Variants in MIS18BP1 observed in about 807,000 individuals in gnomAD.
MIS18BP1 encodes mis18-binding protein 1.
Under a neutral mutation model 116.1 loss-of-function variants are expected in MIS18BP1, and 72 were observed. That is an observed-to-expected ratio of 0.62 (90% CI 0.51 to 0.75). The LOEUF (loss-of-function observed/expected upper bound fraction) is 0.75, where lower values mean the gene tolerates loss of function less well. Among genes scored for constraint, MIS18BP1 ranks in the 30% least tolerant of loss-of-function variants. MIS18BP1 has a pLI of 0.00. For missense variants in MIS18BP1, 1,363 were observed against 1,303.2 expected (o/e 1.05, Z -0.71); for synonymous variants, 386 against 427.0 (o/e 0.90, Z 1.18).
chr14:45,222,666 CT>C (rs1891006710), intron 11 of MIS18BP1, among the ~76,000 whole-genome samples: 1 of 152,148 alleles, frequency 6.6e-6, no homozygotes, highest in Non-Finnish European at 1.5e-5. Flanking sequence ...AGTTCTCAGT[CT>C]TTTATATGCT....
At chr14:45,212,140 GA>G (rs1341245945) in intron 13 of MIS18BP1, among the ~76,000 whole-genome samples, 2 of 152,270 alleles carry the variant, frequency 1.3e-5, no homozygotes, top group East Asian at 3.9e-4. Context: ...AAGGAGTTTG[GA>G]ACTCTACCCA....
rs372983927 is a variant in MIS18BP1, at chr14:45,218,323, T to C, written c.2801A>G (p.His934Arg). 5.6e-6 allele frequency: 9 copies of C among 1,613,990 alleles called. No individual in the cohort carries two copies. The highest frequency in any genetic ancestry group is 3.3e-5 in the South Asian group (3 of 91,074). Residue 934 changes from histidine to arginine, a missense_variant, in exon 12 of 17, where the codon CAT becomes CGT. Physicochemically the swap from His to Arg is conservative, Grantham distance 29 (BLOSUM62 0). Coordinates refer to ENST00000310806, the MANE Select transcript of MIS18BP1 (RefSeq NM_018353.5). ...ATTGGCTGGCTTCTTCTTAGTGACA[T>C]GTTTCTGGGATCCTTTTCCTCTGGG... ...ENPRGKGSQK[H>R]VTKKKPANSK...
At chr14:45,210,691 A>G (rs971923648) in intron 13 of MIS18BP1, among the ~76,000 whole-genome samples, 163 bp from the exon 14 acceptor site, 1 of 152,216 alleles carries the variant, frequency 6.6e-6, no homozygotes. Flanking sequence ...GAGGAACTCC[A>G]TTTTAGATGC....
chr14:45,249,032 A>G (rs530263142), intron 1 of MIS18BP1, among the ~76,000 whole-genome samples: 2 of 150,648 alleles, frequency 1.3e-5, no homozygotes, highest in South Asian at 2.1e-4. Context: ...CAGCCTCCAG[A>G]GTAGCTGGGA....
chr14:45,207,707 T>C (rs1374068979), intron 14 of MIS18BP1, among the ~76,000 whole-genome samples: 1 of 152,186 alleles, frequency 6.6e-6, no homozygotes, highest in Non-Finnish European at 1.5e-5. Context: ...GGTAAGTCTA[T>C]TATCAAAGAG....
intron 15 of MIS18BP1, among the ~76,000 whole-genome samples, chr14:45,204,820 A>ATT (rs1182704391): frequency 6.6e-6 from 1 of 152,066 alleles, no homozygotes; most frequent in African/African-American, 2.4e-5. Context: ...ATTTATCATG[A>ATT]TTATATATAG....
chr14:45,232,333 C>T lies in MIS18BP1; in HGVS notation c.1436+400G>A, dbSNP rs534785614. Among the ~76,000 whole-genome samples the T allele has an allele frequency of 2.8e-5, 4 of 145,454 alleles. No individual in the cohort carries two copies. The South Asian group carries it at 6.8e-4, about 25-fold the overall frequency. On this transcript the variant is annotated intron_variant, in intron 7 of 16. Coordinates refer to ENST00000310806, the MANE Select transcript of MIS18BP1 (RefSeq NM_018353.5). ...TCGGGAGGCTGAGGCAGGAGAATGG[C>T]GTGAACCCCAGAGGCGGAGCTTGCA...
chr14:45,247,680 A>T (rs985724790), intron 1 of MIS18BP1, among the ~76,000 whole-genome samples: 2 of 152,102 alleles, frequency 1.3e-5, no homozygotes, highest in African/African-American at 4.8e-5. Context: ...AGCCTGGGTG[A>T]CAGAGCAAGA....
intron 4 of MIS18BP1, among the ~76,000 whole-genome samples, chr14:45,240,206 G>T (rs1440905316): frequency 6.6e-6 from 1 of 152,008 alleles, no homozygotes; most frequent in Non-Finnish European, 1.5e-5. Context: ...TTCTAGGGCT[G>T]ATCTGCAGTA....
chr14:45,220,195 T>C (rs536729060), intron 11 of MIS18BP1, among the ~76,000 whole-genome samples: 4 of 152,188 alleles, frequency 2.6e-5, no homozygotes, highest in Admixed American at 6.5e-5. Flanking sequence ...ACTTCTGGGC[T>C]CAGGCGATCC....
At chr14:45,207,469 G>A (rs956923081) in intron 14 of MIS18BP1, among the ~76,000 whole-genome samples, 6 of 152,152 alleles carry the variant, frequency 3.9e-5, no homozygotes, top group Non-Finnish European at 7.4e-5. Flanking sequence ...TGGCCAACAT[G>A]GTGAAACCCC....
At chr14:45,231,081 AATG>A (rs1594516582) in intron 8 of MIS18BP1, 57 bp downstream of exon 8, 1 of 1,544,304 alleles carries the variant, frequency 6.5e-7, no homozygotes, top group African/African-American at 1.4e-5. Context: ...AACCATAAAC[AATG>A]TAGACCATGT....
chr14:45,223,845 A>T (rs1850874343), intron 11 of MIS18BP1, 73 bp downstream of exon 11: 5 of 1,116,816 alleles, frequency 4.5e-6, no homozygotes, highest in Non-Finnish European at 6.3e-6. Context: ...TTAACCCCTT[A>T]TTGCTATTTT....
At chr14:45,235,380 T>C (rs1891395775) in intron 6 of MIS18BP1, among the ~76,000 whole-genome samples, 1 of 151,772 alleles carries the variant, frequency 6.6e-6, no homozygotes, top group Admixed American at 6.6e-5. Context: ...TTGTGCCATG[T>C]TGGAAGTGGT....
chr14:45,221,141 GA>G (rs921328479), intron 11 of MIS18BP1, among the ~76,000 whole-genome samples: 1 of 147,970 alleles, frequency 6.8e-6, no homozygotes, highest in Admixed American at 6.8e-5. Context: ...TCTCCAAAAA[GA>G]AAAAAAATAA....
chr14:45,221,727 G>A (rs1159232254), intron 11 of MIS18BP1, among the ~76,000 whole-genome samples: 1 of 152,142 alleles, frequency 6.6e-6, no homozygotes, highest in South Asian at 2.1e-4. Context: ...TTATTATTGG[G>A]TGGAATGTTC....
chr14:45,240,826 T>C (rs1891555972), intron 4 of MIS18BP1, among the ~76,000 whole-genome samples: 1 of 151,962 alleles, frequency 6.6e-6, no homozygotes, highest in African/African-American at 2.4e-5. Context: ...TGCATGAACC[T>C]GGAAGGCGGA....
At chr14:45,222,908 C>T (rs970243981) in intron 11 of MIS18BP1, among the ~76,000 whole-genome samples, 4 of 152,124 alleles carry the variant, frequency 2.6e-5, no homozygotes, top group Non-Finnish European at 5.9e-5. Context: ...AGAAAGAGAA[C>T]AGAAGCAACA....
intron 5 of MIS18BP1, among the ~76,000 whole-genome samples, chr14:45,237,262 C>T (rs1362074102): frequency 6.6e-6 from 1 of 152,092 alleles, no homozygotes; most frequent in Non-Finnish European, 1.5e-5. Context: ...AATTTTGATT[C>T]CTTTTCTGGA....
Sources: allele counts gnomAD v4.1 joint callset (sites outside exome capture counted in the v4.1 genomes callset), GRCh38; gene constraint gnomAD v4.1.1; transcripts MANE v1.5; gene names NCBI Gene and HGNC (gene_info 2026-07-23, HGNC 2026-07-21).